The following ZNF423 variants were observed in gnomAD, a reference collection of about 807,000 sequenced individuals.
ZNF423 encodes zinc finger protein 423, also known as Ebf-associated zinc finger protein.
ZNF423 carries 12 observed loss-of-function variants against 95.8 expected under a neutral mutation model. The observed-to-expected ratio is 0.13, with a 90% CI of 0.08 to 0.20. The LOEUF (loss-of-function observed/expected upper bound fraction) is 0.20, where lower values mean the gene tolerates loss of function less well. Among genes scored for constraint, ZNF423 ranks in the 10% least tolerant of loss-of-function variants. The pLI, the probability that ZNF423 is intolerant of heterozygous loss-of-function variation, is 1.00. For synonymous variants in ZNF423, 749 were observed against 711.9 expected, an observed-to-expected ratio of 1.05 and a Z score of -0.83; for missense variants, 1,316 against 1,737.1, an observed-to-expected ratio of 0.76 and a Z score of 4.31.
chr16:49,614,083 G>A (rs932900227), intron 5 of ZNF423, among the ~76,000 whole-genome samples: 3 of 152,100 alleles, frequency 2.0e-5, no homozygotes, highest in Admixed American at 6.5e-5. Flanking sequence ...AATACATAAA[G>A]AACTCTCAAA....
At position 49,523,731 on chromosome 16, in the gene ZNF423, G is replaced by T; in HGVS notation, c.3742C>A (p.Gln1248Lys). Residue 1248 changes from glutamine (Q) to lysine (K), a missense_variant, in exon 7 of 8, where the codon CAG becomes AAG. Coordinates refer to ENST00000563137, the MANE Select transcript of ZNF423 (RefSeq NM_001379286.1). ...KCPVCFTVFV[Q>K]ANKLQQHIFA... The stretch of plus-strand genomic sequence containing the variant: ...ATGTGCTGCTGCAACTTGTTGGCCT[G>T]GACGAAGACTAGACACAGACACGGC... 1 of 1,613,318 alleles carries T rather than the reference G, an allele frequency of 6.2e-7. No individual in the cohort carries two copies.
chr16:49,564,202 A>G (rs1970108872), intron 5 of ZNF423, among the ~76,000 whole-genome samples: 1 of 152,170 alleles, frequency 6.6e-6, no homozygotes, highest in Non-Finnish European at 1.5e-5. Context: ...ATGGCCATAT[A>G]TTGTACTATT....
At position 49,521,894 on chromosome 16, in the gene ZNF423, A is replaced by G. The variant is rs376565299; in HGVS notation, c.3849+1730T>C. ...ACACCCTCCAAGGGCCTGTTTGCAT[A>G]TCCTCCAGGCAACAGCCACCACCAG... is the stretch of plus-strand genomic sequence containing the variant. On this transcript the variant is annotated intron_variant, in intron 7 of 7. Transcript: ENST00000563137. Among the ~76,000 whole-genome samples, 398 of 152,328 alleles carry G rather than the reference A, an allele frequency of 2.6e-3. 4 individuals are homozygous for G. The highest frequency in any genetic ancestry group is 9.1e-3 in the African/African-American group (378 of 41,586).
At chr16:49,834,926 C>T (rs1688891085) in intron 1 of ZNF423, among the ~76,000 whole-genome samples, 1 of 151,700 alleles carries the variant, frequency 6.6e-6, no homozygotes. Context: ...GAGAAGGCAC[C>T]CAGGGGGAGG....
intron 4 of ZNF423, among the ~76,000 whole-genome samples, chr16:49,633,623 C>A (rs1972578010): frequency 6.6e-6 from 1 of 152,166 alleles, no homozygotes; most frequent in Admixed American, 6.5e-5. Flanking sequence ...AGATTTTAAC[C>A]CAGGCCACCT....
rs530042676 is a variant in ZNF423, at chr16:49,818,935, A to T, written c.41-29389T>A. Among the ~76,000 whole-genome samples, 80 of 151,954 alleles carry T rather than the reference A, an allele frequency of 5.3e-4. 2 individuals are homozygous for T. Among genetic ancestry groups the T allele is most frequent in the African/African-American group, 1.6e-3 (68 of 41,474 alleles). On this transcript the variant is annotated intron_variant, in intron 1 of 7. Coordinates refer to ENST00000563137, the MANE Select transcript of ZNF423 (RefSeq NM_001379286.1). ...CATATTGTTAAAATAAATATTTTTA[A>T]TTTTTTTAACTAAATCAAATTTAAA...
At chr16:49,761,020 G>C (rs2033821757) in intron 2 of ZNF423, among the ~76,000 whole-genome samples, 1 of 148,100 alleles carries the variant, frequency 6.8e-6, no homozygotes, top group Non-Finnish European at 1.5e-5. Context: ...ATAAACACAT[G>C]CACACGTACA....
intron 1 of ZNF423, among the ~76,000 whole-genome samples, chr16:49,830,214 G>C (rs1243778094): frequency 6.6e-6 from 1 of 152,176 alleles, no homozygotes; most frequent in Admixed American, 6.5e-5. Context: ...AGGCAGGCTA[G>C]TACAGAGGAA....
intron 5 of ZNF423, among the ~76,000 whole-genome samples, chr16:49,572,767 G>A (rs1225618720): frequency 6.6e-6 from 1 of 152,180 alleles, no homozygotes. Context: ...ACGAGAACAT[G>A]AGGCCTCCCA....
At chr16:49,715,604 G>A (rs918067386) in intron 3 of ZNF423, among the ~76,000 whole-genome samples, 2 of 152,058 alleles carry the variant, frequency 1.3e-5, no homozygotes, top group African/African-American at 4.8e-5. Flanking sequence ...ACTTAGCTGG[G>A]CATGGTGGTG....
At chr16:49,753,361 C>G (rs536099092) in intron 2 of ZNF423, among the ~76,000 whole-genome samples, 1 of 151,146 alleles carries the variant, frequency 6.6e-6, no homozygotes, top group African/African-American at 2.4e-5. Context: ...TAGCACTTTG[C>G]GAAGCTGAGG....
intron 3 of ZNF423, among the ~76,000 whole-genome samples, chr16:49,703,467 T>C (rs1022262765): frequency 2.0e-5 from 3 of 152,190 alleles, no homozygotes; most frequent in African/African-American, 7.2e-5. Flanking sequence ...GGCTGGAAAT[T>C]TACTCTGGAT....
Position 49,635,523 on chromosome 16 carries a change from G to T in ZNF423, c.3516+137C>A. The T allele has an allele frequency of 8.8e-7, 1 of 1,140,500 alleles. No homozygotes were observed. Among genetic ancestry groups the T allele is most frequent in the Non-Finnish European group, 1.2e-6 (1 of 840,516 alleles). The allele number at this position is 1,140,500 out of a possible 1,614,324, so 70.6% of individuals were successfully genotyped here. On this transcript the variant is annotated intron_variant, in intron 4 of 7. Transcript: ENST00000563137. The surrounding 1 kb of genome is among the most constrained non-coding windows in gnomAD (Gnocchi z 4.8). Reference sequence around the variant, plus strand: ...GAGGTTCAAACTCAAGGAGTCTACAGCACAGCAGTTCTGTTTTGCCACTGC... The same window carrying T: ...GAGGTTCAAACTCAAGGAGTCTACATCACAGCAGTTCTGTTTTGCCACTGC...
chr16:49,595,152 G>T (rs1362810143), intron 5 of ZNF423, among the ~76,000 whole-genome samples: 2 of 152,170 alleles, frequency 1.3e-5, no homozygotes, highest in African/African-American at 2.4e-5. Context: ...GGGTGGGGGG[G>T]TCTCTCTTGT....
intron 5 of ZNF423, among the ~76,000 whole-genome samples, chr16:49,609,396 C>CA (rs1971644892): frequency 6.6e-6 from 1 of 151,900 alleles, no homozygotes; most frequent in African/African-American, 2.4e-5. Context: ...ATCAAAATGA[C>CA]AGAGATGTTG....
chr16:49,718,365 C>T (rs1438524300), intron 3 of ZNF423, among the ~76,000 whole-genome samples: 4 of 152,148 alleles, frequency 2.6e-5, no homozygotes, highest in Non-Finnish European at 5.9e-5. Context: ...GAGATTATGC[C>T]ACTGCACTCC....
intron 7 of ZNF423, chr16:49,518,291 T>C (rs577966948): frequency 4.8e-5 from 19 of 393,544 alleles, no homozygotes; most frequent in South Asian, 3.5e-4. Context: ...GGTAAGTATA[T>C]TGTATATCAA....
chr16:49,640,234 C>T (rs777593698), intron 3 of ZNF423, among the ~76,000 whole-genome samples: 19 of 152,100 alleles, frequency 1.2e-4, no homozygotes, highest in Non-Finnish European at 2.2e-4. Flanking sequence ...ATGGGGCAGG[C>T]GCACCATGCT....
chr16:49,838,692 C>G (rs997106750), intron 1 of ZNF423, among the ~76,000 whole-genome samples: 10 of 152,162 alleles, frequency 6.6e-5, no homozygotes, highest in African/African-American at 2.4e-4. Context: ...GGGCGCCAGA[C>G]TCCGAGGGGC....
Sources: allele counts gnomAD v4.1 joint callset (sites outside exome capture counted in the v4.1 genomes callset), GRCh38; gene constraint gnomAD v4.1.1; non-coding constraint Gnocchi (gnomAD v3.1); transcripts MANE v1.5; gene names NCBI Gene and HGNC (gene_info 2026-07-23, HGNC 2026-07-21).